The following GRIK2 variants were observed in gnomAD, a reference collection of about 807,000 sequenced individuals.
GRIK2 encodes glutamate receptor ionotropic, kainate 2.
A neutral mutation model predicts 100.3 loss-of-function variants in GRIK2; 32 were observed. That is an observed-to-expected ratio of 0.32 (90% CI 0.24 to 0.43). The LOEUF (loss-of-function observed/expected upper bound fraction) is 0.43, where lower values mean the gene tolerates loss of function less well. Ranked by LOEUF, GRIK2 falls within the 20% of genes least tolerant of loss-of-function variation. The probability of loss-of-function intolerance (pLI) is 1.00; values close to 1 mark genes in which losing one functional copy is unlikely to be tolerated. For synonymous variants in GRIK2, 417 were observed against 389.4 expected (o/e 1.07, Z -0.83); for missense variants, 843 against 1,114.9 (o/e 0.76, Z 3.47).
rs950892685 is a variant in GRIK2 at position 102,069,458 on chromosome 6, A to T, written c.*947A>T. 1 of 151,824 alleles carries T rather than the reference A, an allele frequency of 6.6e-6. No individual in the cohort carries two copies. The highest frequency in any genetic ancestry group is 2.4e-5 in the African/African-American group (1 of 41,402). 9.4% of individuals were successfully genotyped at this position (151,824 alleles called of 1,614,324 possible). ...AAAGCTTTCATTCTAACATTCAGAC[A>T]TAGCAATCCAAACCCTTGTTCCTGC... is the stretch of plus-strand genomic sequence containing the variant. On this transcript the variant is annotated 3_prime_UTR_variant, in exon 17 of 17. Transcript: ENST00000369134.
At chr6:101,705,801 T>G (rs553634449) in intron 7 of GRIK2, among the ~76,000 whole-genome samples, 1 of 152,038 alleles carries the variant, frequency 6.6e-6, no homozygotes, top group Admixed American at 6.6e-5. Context: ...CTATCAGTTT[T>G]GATACTTTAA....
chr6:101,445,348 C>T (rs1770318199), intron 2 of GRIK2, among the ~76,000 whole-genome samples: 1 of 151,570 alleles, frequency 6.6e-6, no homozygotes, highest in Non-Finnish European at 1.5e-5. Flanking sequence ...ATTACTTGAA[C>T]ATATTCCATA....
chr6:101,742,637 TAA>T (rs564703803), intron 7 of GRIK2, among the ~76,000 whole-genome samples: 53 of 152,188 alleles, frequency 3.5e-4, no homozygotes, highest in Non-Finnish European at 6.8e-4. Context: ...AGGCTATAGA[TAA>T]ATTGAAACAT....
chr6:101,570,536 T>A (rs1241063241), intron 2 of GRIK2, among the ~76,000 whole-genome samples: 1 of 152,158 alleles, frequency 6.6e-6, no homozygotes, highest in Non-Finnish European at 1.5e-5. Context: ...CAGTGAGGGA[T>A]GTCCCAAATG....
At chr6:101,600,816 C>A (rs1289178482) in intron 2 of GRIK2, among the ~76,000 whole-genome samples, 1 of 151,752 alleles carries the variant, frequency 6.6e-6, no homozygotes, top group African/African-American at 2.4e-5. Flanking sequence ...TTGGTGAAGT[C>A]TTTAGGGTAT....
chr6:101,692,110 C>T (rs1772151622), intron 7 of GRIK2, among the ~76,000 whole-genome samples: 1 of 145,124 alleles, frequency 6.9e-6, no homozygotes, highest in East Asian at 2.0e-4. Flanking sequence ...ATGAACAGAA[C>T]AGACAGGCTT....
chr6:101,649,695 T>C (rs1411318497), intron 4 of GRIK2, among the ~76,000 whole-genome samples: 1 of 152,032 alleles, frequency 6.6e-6, no homozygotes, highest in East Asian at 1.9e-4. Flanking sequence ...AGCAAACAGG[T>C]AAATGAGTTT....
intron 2 of GRIK2, among the ~76,000 whole-genome samples, chr6:101,409,465 TATTTAAAATCAGA>T (rs1775773651): frequency 6.6e-6 from 1 of 152,116 alleles, no homozygotes. Flanking sequence ...GTCTATCAAT[TATTTAAAATCAGA>T]ATTTAAAATA....
intron 2 of GRIK2, among the ~76,000 whole-genome samples, chr6:101,488,073 AAAG>A (rs1772919718): frequency 6.8e-6 from 1 of 146,690 alleles, no homozygotes; most frequent in Admixed American, 6.8e-5. Context: ...TGAATATAAA[AAAG>A]CTCTAAGTAG....
At chr6:101,487,722 A>G (rs913557960) in intron 2 of GRIK2, among the ~76,000 whole-genome samples, 1 of 146,784 alleles carries the variant, frequency 6.8e-6, no homozygotes, top group Non-Finnish European at 1.5e-5. Context: ...ACAAATATTT[A>G]TCAATACTAT....
intron 2 of GRIK2, among the ~76,000 whole-genome samples, chr6:101,425,123 C>A (rs1046595983): frequency 6.6e-6 from 1 of 152,184 alleles, no homozygotes; most frequent in Non-Finnish European, 1.5e-5. Flanking sequence ...CCGCAGTAAA[C>A]ATACATGTGC....
chr6:101,608,440 T>C (rs1189547908), intron 2 of GRIK2, among the ~76,000 whole-genome samples: 1 of 151,978 alleles, frequency 6.6e-6, no homozygotes, highest in African/African-American at 2.4e-5. Flanking sequence ...GAACATGTGT[T>C]ATTTCTAGTA....
intron 10 of GRIK2, among the ~76,000 whole-genome samples, chr6:101,824,182 G>A (rs1782161299): frequency 6.6e-6 from 1 of 152,024 alleles, no homozygotes; most frequent in Admixed American, 6.6e-5. Context: ...ACCATGCCCG[G>A]CCATGAGTTA....
intron 2 of GRIK2, among the ~76,000 whole-genome samples, chr6:101,614,296 C>A (rs138902348): frequency 2.3e-3 from 345 of 151,664 alleles, no homozygotes; most frequent in Middle Eastern, 0.01. Context: ...TCTTTTCCCC[C>A]CAAACTTTTA....
chr6:101,631,354 A>C (rs2128320413), intron 4 of GRIK2, among the ~76,000 whole-genome samples: 1 of 152,240 alleles, frequency 6.6e-6, no homozygotes, highest in Non-Finnish European at 1.5e-5. Context: ...GCAGTCCATT[A>C]ACAAAAAAAC....
chr6:101,877,298 A>G (rs9390791), intron 11 of GRIK2, among the ~76,000 whole-genome samples: 123,496 of 151,746 alleles, frequency 0.81, 50,472 homozygotes, highest in East Asian at 0.93. Flanking sequence ...CGAAAATACC[A>G]GGGCTAGGGA....
At chr6:102,031,112 C>T (rs1046999464) in intron 14 of GRIK2, among the ~76,000 whole-genome samples, 21 of 142,962 alleles carry the variant, frequency 1.5e-4, no homozygotes, top group African/African-American at 5.4e-4. Context: ...CACACACACA[C>T]ACACACACAC....
chr6:101,857,422 G>C (rs1784483524), intron 10 of GRIK2, among the ~76,000 whole-genome samples: 1 of 152,136 alleles, frequency 6.6e-6, no homozygotes. Context: ...ATAGAGATAA[G>C]GTAAGTCCAC....
intron 2 of GRIK2, among the ~76,000 whole-genome samples, chr6:101,584,153 G>T (rs1176823351): frequency 6.6e-6 from 1 of 151,984 alleles, no homozygotes; most frequent in Admixed American, 6.6e-5. Context: ...GTATTTATAA[G>T]ATAGAGAAAT....
Sources: gnomAD v4.1 joint callset for allele counts (sites outside exome capture counted in the v4.1 genomes callset) on GRCh38, gnomAD v4.1.1 for gene constraint, MANE v1.5 for transcripts, NCBI Gene and HGNC (gene_info 2026-07-23, HGNC 2026-07-21) for gene names.